The following TNR variants were observed in gnomAD, a reference collection of about 807,000 sequenced individuals.
The protein encoded by TNR is tenascin R, also known as tenascin-R.
In TNR, 45 loss-of-function variants were observed where a neutral mutation model predicts 150.4. That is an observed-to-expected ratio of 0.30 (90% CI 0.24 to 0.38). The LOEUF (loss-of-function observed/expected upper bound fraction) is 0.38. Ranked by LOEUF, TNR falls within the 10% of genes least tolerant of loss-of-function variation. TNR has a pLI of 1.00. For missense variants in TNR, 1,544 were observed against 1,759.1 expected (o/e 0.88, Z 2.19); for synonymous variants, 687 against 678.4 (o/e 1.01, Z -0.20).
chr1:175,381,119 G>A (rs537624719), intron 8 of TNR, among the ~76,000 whole-genome samples: 1 of 152,282 alleles, frequency 6.6e-6, no homozygotes, highest in African/African-American at 2.4e-5. Flanking sequence ...TATTCTTGAC[G>A]TGTTATGTGT....
At chr1:175,670,036 C>T (rs1362032072) in intron 1 of TNR, among the ~76,000 whole-genome samples, 1 of 152,202 alleles carries the variant, frequency 6.6e-6, no homozygotes, top group Non-Finnish European at 1.5e-5. Flanking sequence ...CAGCCCAACC[C>T]ACAGCATGGC....
chr1:175,541,784 C>T (rs1216516154), intron 1 of TNR, among the ~76,000 whole-genome samples: 1 of 152,146 alleles, frequency 6.6e-6, no homozygotes, highest in African/African-American at 2.4e-5. Flanking sequence ...TTCAACCCCA[C>T]CCCTGGCTCT....
chr1:175,725,750 T>G (rs754130115), intron 1 of TNR, among the ~76,000 whole-genome samples: 8 of 152,104 alleles, frequency 5.3e-5, no homozygotes, highest in African/African-American at 1.9e-4. Context: ...TAAGAGATAT[T>G]AAGGAGGTAA....
At chr1:175,713,410 T>C (rs947736825) in intron 1 of TNR, among the ~76,000 whole-genome samples, 8 of 152,102 alleles carry the variant, frequency 5.3e-5, no homozygotes, top group South Asian at 2.1e-4. Flanking sequence ...TGCAAGAACA[T>C]TGTGGGTTGA....
intron 1 of TNR, among the ~76,000 whole-genome samples, chr1:175,570,044 T>A (rs1661800776): frequency 6.6e-6 from 1 of 152,206 alleles, no homozygotes; most frequent in Non-Finnish European, 1.5e-5. Context: ...CAATTATGGA[T>A]AAAAAGGCTT....
chr1:175,597,821 T>G (rs552990588), intron 1 of TNR, among the ~76,000 whole-genome samples: 35 of 152,178 alleles, frequency 2.3e-4, no homozygotes, highest in Non-Finnish European at 4.9e-4. Context: ...AAGAATGAAT[T>G]TTAATAAAAA....
chr1:175,605,172 A>G (rs1663369572), intron 1 of TNR, among the ~76,000 whole-genome samples: 1 of 152,246 alleles, frequency 6.6e-6, no homozygotes, highest in Non-Finnish European at 1.5e-5. Flanking sequence ...TCAATCCAAT[A>G]AAAACCATAG....
At chr1:175,507,632 A>G (rs991092855) in intron 2 of TNR, among the ~76,000 whole-genome samples, 4 of 151,698 alleles carry the variant, frequency 2.6e-5, no homozygotes, top group East Asian at 1.9e-4. Context: ...TCCTGTTTCT[A>G]TAACAGTCCT....
chr1:175,580,472 C>T (rs533832022), intron 1 of TNR, among the ~76,000 whole-genome samples: 2 of 152,290 alleles, frequency 1.3e-5, no homozygotes, highest in Non-Finnish European at 2.9e-5. Flanking sequence ...TCCCACTGCT[C>T]AAAATATCCT....
intron 2 of TNR, among the ~76,000 whole-genome samples, chr1:175,444,214 G>A (rs1186422225): frequency 1.3e-5 from 2 of 152,222 alleles, no homozygotes; most frequent in Non-Finnish European, 2.9e-5. Context: ...GTGGTACATT[G>A]TGAGTTATGG....
At chr1:175,634,123 T>C (rs953912418) in intron 1 of TNR, among the ~76,000 whole-genome samples, 20 of 152,340 alleles carry the variant, frequency 1.3e-4, no homozygotes, top group Middle Eastern at 6.8e-3. Context: ...TCAGTGATTG[T>C]CAATTTCTTG....
chr1:175,541,613 T>C (rs1047140721), intron 1 of TNR, among the ~76,000 whole-genome samples: 7 of 152,172 alleles, frequency 4.6e-5, no homozygotes, highest in African/African-American at 1.7e-4. Context: ...CAGAGAACCA[T>C]TACTGAATCT....
intron 1 of TNR, among the ~76,000 whole-genome samples, chr1:175,593,595 G>A (rs1298167681): frequency 2.0e-5 from 3 of 152,100 alleles, no homozygotes; most frequent in Non-Finnish European, 4.4e-5. Flanking sequence ...ATAGGCTCTC[G>A]ATTCCCTCAT....
chr1:175,622,540 C>T (rs1486514509), intron 1 of TNR, among the ~76,000 whole-genome samples: 7 of 152,214 alleles, frequency 4.6e-5, no homozygotes, highest in Admixed American at 2.0e-4. Context: ...CCGATATCCA[C>T]GTGCCACTCA....
intron 4 of TNR, among the ~76,000 whole-genome samples, chr1:175,402,694 G>A (rs1571391093): frequency 2.0e-5 from 3 of 152,198 alleles, no homozygotes; most frequent in African/African-American, 7.2e-5. Context: ...ATCTCTTGCA[G>A]TAGCATTGTG....
Position 175,385,929 on chromosome 1 carries a change from A to G in TNR, c.1777+103T>C, listed in dbSNP as rs192592118. On this transcript the variant is annotated intron_variant, in intron 8 of 22. Coordinates refer to ENST00000367674, the MANE Select transcript of TNR (RefSeq NM_003285.3). The stretch of plus-strand genomic sequence containing the variant: ...TCTATGACAAGGCCAATGCTCTGAC[A>G]CACCTTGCCTCATTCCTAATACTCC... 665 of 1,347,940 alleles carry G rather than the reference A, an allele frequency of 4.9e-4. 1 individual carries two copies. The highest frequency in any genetic ancestry group is 3.5e-3 in the Middle Eastern group (17 of 4,874). The allele number at this position is 1,347,940 out of a possible 1,614,324, so 83.5% of individuals were successfully genotyped here.
chr1:175,371,184 C>T (rs1413822673), intron 9 of TNR, among the ~76,000 whole-genome samples: 1 of 152,174 alleles, frequency 6.6e-6, no homozygotes, highest in Non-Finnish European at 1.5e-5. Flanking sequence ...CTATCAATGC[C>T]CCCTTTATCT....
intron 2 of TNR, among the ~76,000 whole-genome samples, chr1:175,499,593 C>T (rs1658642182): frequency 6.6e-6 from 1 of 152,158 alleles, no homozygotes; most frequent in South Asian, 2.1e-4. Context: ...TTACCATATC[C>T]CTGTGTCCTA....
intron 2 of TNR, among the ~76,000 whole-genome samples, chr1:175,502,511 C>T (rs1658779609): frequency 1.3e-5 from 2 of 152,104 alleles, no homozygotes; most frequent in African/African-American, 2.4e-5. Flanking sequence ...AGTTCCAGAG[C>T]TTCCTGTAGG....
Sources: allele counts gnomAD v4.1 joint callset (sites outside exome capture counted in the v4.1 genomes callset), GRCh38; gene constraint gnomAD v4.1.1; transcripts MANE v1.5; gene names NCBI Gene and HGNC (gene_info 2026-07-23, HGNC 2026-07-21).